The following NES variants were observed in gnomAD, a reference collection of about 807,000 sequenced individuals.
NES encodes nestin.
Under a neutral mutation model 35.6 loss-of-function variants are expected in NES, and 27 were observed. The observed-to-expected ratio is 0.76, with a 90% CI of 0.56 to 1.04. The LOEUF (loss-of-function observed/expected upper bound fraction) is 1.04. Among genes scored for constraint, NES ranks in the 50% least tolerant of loss-of-function variants. The pLI is 0.00. For synonymous variants in NES, 822 were observed against 824.2 expected (o/e 1.00, Z 0.04); for missense variants, 1,867 against 1,983.6 (o/e 0.94, Z 1.12).
rs759393198 is a variant in NES, at chr1:156,671,230, A to C, written c.2958T>G (p.Asp986Glu). Residue 986 changes from aspartate (D) to glutamate (E), a missense_variant, in exon 4 of 4, where the codon GAT (aspartate) becomes GAG (glutamate). Physicochemically the swap from Asp to Glu is conservative, Grantham distance 45. Coordinates refer to ENST00000368223, the MANE Select transcript of NES (RefSeq NM_006617.2). ...CCACCTCCTCCTTCCCAGTGAAGCC[A>C]TCCTGCTCCCTCAGATTCAGCTCTG... ...DEAELNLREQDGFTGKEEVVE... is the reference protein window; with the variant it reads ...DEAELNLREQEGFTGKEEVVE... 9.9e-6 allele frequency: 16 copies of C among 1,614,028 alleles called. No individual in the cohort carries two copies. Among genetic ancestry groups the C allele is most frequent in the African/African-American group, 1.3e-5 (1 of 75,026 alleles).
chr1:156,673,311 G>A (rs1383777578), intron 3 of NES, 106 bp from the exon 4 acceptor site: 17 of 1,300,280 alleles, frequency 1.3e-5, no homozygotes, highest in Middle Eastern at 1.9e-4. Flanking sequence ...TGCCCCTGGC[G>A]CCCATGGCTG....
chr1:156,672,975 T>G lies in NES; in HGVS notation c.1213A>C (p.Ile405Leu), dbSNP rs1679767345. ...GAGAGAGGAGCATCCTGGGCTCTGATCTCTGCATCTACAGCAGGAGAGGGT... is the reference window on the plus strand; with the variant it reads ...GAGAGAGGAGCATCCTGGGCTCTGAGCTCTGCATCTACAGCAGGAGAGGGT... ...QAPSPAVDAE[I>L]RAQDAPLSLL... Residue 405 changes from isoleucine (I) to leucine (L), a missense_variant, in exon 4 of 4, where the codon ATC becomes CTC. Transcript: ENST00000368223. 2.5e-6 allele frequency: 4 copies of G among 1,613,864 alleles called. No homozygotes were observed. The highest frequency in any genetic ancestry group is 1.7e-5 in the Admixed American group (1 of 59,996).
rs60243118 is a variant in NES, at chr1:156,669,484, C to T, written c.4704G>A (p.Pro1568=). The T allele has an allele frequency of 8.3e-3, 13,358 of 1,613,310 alleles. 139 individuals are homozygous for T. The highest frequency in any genetic ancestry group is 0.033 in the South Asian group (2,986 of 91,022). The change falls in exon 4 of 4, where the codon CCG becomes CCA. Residue 1568 remains proline, a synonymous_variant. Transcript: ENST00000368223. ...EQSEEVGQGM[P]LVSEGDRGSP... ...TCCCTCGGTCTCCCTCAGAGACTAGCGGCATTCCTTGCCCCACTTCCTCAG... is the reference window on the plus strand; with the variant it reads ...TCCCTCGGTCTCCCTCAGAGACTAGTGGCATTCCTTGCCCCACTTCCTCAG...
chr1:156,672,882 T>G lies in NES; in HGVS notation c.1306A>C (p.Ile436Leu). Residue 436 changes from isoleucine (I) to leucine (L), a missense_variant, in exon 4 of 4, where the codon ATT becomes CTT. Ile to Leu is a conservative substitution (Grantham distance 5). Coordinates refer to ENST00000368223, the MANE Select transcript of NES (RefSeq NM_006617.2). Reference protein sequence around the residue: ...EPLRAEARVAIPASVLPGPEE... With the variant: ...EPLRAEARVALPASVLPGPEE... ...GGTCCAGGCAGGACGCTGGCAGGAA[T>G]GGCCACCCTGGCTTCAGCCCGCAGG... 1.2e-6 allele frequency: 2 copies of G among 1,613,894 alleles called. No homozygotes were observed. The highest frequency in any genetic ancestry group is 1.7e-6 in the Non-Finnish European group (2 of 1,180,024).
rs1210970336 is a variant in NES at position 156,671,712 on chromosome 1, G to A, written c.2476C>T (p.Leu826=). The A allele has an allele frequency of 6.2e-7, 1 of 1,613,744 alleles. No homozygotes were observed. Among genetic ancestry groups the A allele is most frequent in the Non-Finnish European group, 8.5e-7 (1 of 1,179,950 alleles). The stretch of plus-strand genomic sequence containing the variant: ...TGTCCCGCAGACTTCAGTGATTCTA[G>A]GATCTCTGTTTCTAAAGATTTTACT... ...EAVKSLETEI[L]ESLKSAGQEN... Residue 826 remains leucine (L), a synonymous_variant, in exon 4 of 4, where the codon CTA becomes TTA. Coordinates refer to ENST00000368223, the MANE Select transcript of NES (RefSeq NM_006617.2).
At position 156,671,471 on chromosome 1, in the gene NES, GGA is replaced by G. The variant is rs1192847737; in HGVS notation, c.2715_2716del (p.Pro906ArgfsTer69). ...TTGACTTTCCTTGTCTACCTCCTCTGGAGATCTCAAATTCTCCAGGTTCCATG... is the reference window on the plus strand; with the variant it reads ...TTGACTTTCCTTGTCTACCTCCTCTGGATCTCAAATTCTCCAGGTTCCATG... On this transcript the variant is annotated frameshift_variant, in exon 4 of 4. Transcript: ENST00000368223. LOFTEE classifies it low-confidence loss of function (END_TRUNC). 1 of 1,613,928 alleles carries G rather than the reference GGA, an allele frequency of 6.2e-7. No individual in the cohort carries two copies. The highest frequency in any genetic ancestry group is 1.1e-5 in the South Asian group (1 of 91,082).
Position 156,676,273 on chromosome 1 carries a change from C to T in NES, c.783+209G>A, listed in dbSNP as rs1647289095. 1.3e-5 allele frequency among the ~76,000 whole-genome samples: 2 copies of T among 152,172 alleles called. No homozygotes were observed. Among genetic ancestry groups the T allele is most frequent in the South Asian group, 4.1e-4 (2 of 4,826 alleles). On this transcript the variant is annotated intron_variant, in intron 1 of 3. Coordinates refer to ENST00000368223, the MANE Select transcript of NES (RefSeq NM_006617.2). The surrounding 1 kb of genome is among the most constrained non-coding windows in gnomAD (Gnocchi z 5.3). ...CGGGTCTTGGGCCTGACTGCCCACC[C>T]GGGATGTGCTTCGAGAAGCCCCACC... is the stretch of plus-strand genomic sequence containing the variant.
In NES at chr1:156,670,230, T is replaced by G. The variant is rs1185808480; in HGVS notation, c.3958A>C (p.Arg1320=). Residue 1320 remains arginine, a synonymous_variant, in exon 4 of 4, where the codon AGG becomes CGG. Transcript: ENST00000368223. The part of the protein sequence containing the change: ...SPRWDPTGEQ[R]PPPQGETGKE... ...CCAGTCTCCCCTTGAGGGGGTGGCC[T>G]CTGCTCTCCAGTGGGGTCCCACCTG... 1.2e-6 allele frequency: 2 copies of G among 1,613,678 alleles called. No individual in the cohort carries two copies. Among genetic ancestry groups the G allele is most frequent in the Non-Finnish European group, 1.7e-6 (2 of 1,179,850 alleles).
chr1:156,669,331 C>A lies in NES; in HGVS notation c.4857G>T (p.Gly1619=), dbSNP rs369586918. The part of the protein sequence containing the change: ...REGDRESWSS[G]ED ...GGCAGATGGTCTTTTCCTAGTCCTC[C>A]CCTGAGGACCAGGACTCTCTATCTC... The change falls in exon 4 of 4, where the codon GGG becomes GGT. Residue 1619 remains glycine, a synonymous_variant. Transcript: ENST00000368223. 1 of 1,559,098 alleles carries A rather than the reference C, an allele frequency of 6.4e-7. No individual in the cohort carries two copies. The highest frequency in any genetic ancestry group is 1.9e-5 in the Admixed American group (1 of 53,728).
In NES at chr1:156,670,116, CCTCTT is replaced by C; in HGVS notation, c.4067_4071del (p.Glu1356GlyfsTer5). The C allele has an allele frequency of 6.2e-7, 1 of 1,614,064 alleles. No individual in the cohort carries two copies. Among genetic ancestry groups the C allele is most frequent in the Non-Finnish European group, 8.5e-7 (1 of 1,180,000 alleles). ...GACAGGTCAGAGTCACGGCCACACTCCTCTTCTCCCTCCTCCCCCTCCTCCTTTTC... is the reference window on the plus strand; with the variant it reads ...GACAGGTCAGAGTCACGGCCACACTCCTCCCTCCTCCCCCTCCTCCTTTTC... On this transcript the variant is annotated frameshift_variant, in exon 4 of 4. Coordinates refer to ENST00000368223, the MANE Select transcript of NES (RefSeq NM_006617.2). LOFTEE classifies it low-confidence loss of function (END_TRUNC).
chr1:156,669,062 C>T lies in NES; in HGVS notation c.*260G>A. On this transcript the variant is annotated 3_prime_UTR_variant, in exon 4 of 4. Coordinates refer to ENST00000368223, the MANE Select transcript of NES (RefSeq NM_006617.2). ...AAGGGGACCTAGTACTATCGGGATT[C>T]AGCTGACTTAGCCTATGAGATGGAG... The T allele has an allele frequency of 2.7e-6, 1 of 367,706 alleles. No individual in the cohort carries two copies. Among genetic ancestry groups the T allele is most frequent in the Non-Finnish European group, 4.9e-6 (1 of 204,600 alleles). 22.8% of individuals were successfully genotyped at this position (367,706 alleles called of 1,614,324 possible). A position where few individuals can be genotyped will look rare whatever the true frequency, so the allele number is the denominator to read the frequency against.
rs1243169882 is a variant in NES at position 156,671,123 on chromosome 1, T to C, written c.3065A>G (p.Gln1022Arg). Residue 1022 changes from glutamine (Q) to arginine (R), a missense_variant, in exon 4 of 4, where the codon CAG becomes CGG. Coordinates refer to ENST00000368223, the MANE Select transcript of NES (RefSeq NM_006617.2). ...GHPESPEPKE[Q>R]RGLVEGASVK... The stretch of plus-strand genomic sequence containing the variant: ...ACTGGCTCCCTCAACCAGGCCTCTC[T>C]GCTCTTTGGGCTCAGGGCTCTCTGG... 10 of 1,614,028 alleles carry C rather than the reference T, an allele frequency of 6.2e-6. No homozygotes were observed. Among genetic ancestry groups the C allele is most frequent in the Non-Finnish European group, 8.5e-6 (10 of 1,180,026 alleles).
chr1:156,673,883 G>A (rs1030027475), intron 2 of NES, among the ~76,000 whole-genome samples: 10 of 152,054 alleles, frequency 6.6e-5, no homozygotes, highest in Non-Finnish European at 1.5e-4. Flanking sequence ...GTGGGGGACC[G>A]ATTCTCATGC....
chr1:156,676,960 C>G lies in NES; in HGVS notation c.305G>C (p.Arg102Pro). The G allele has an allele frequency of 1.3e-6, 2 of 1,559,606 alleles. No individual in the cohort carries two copies. Among genetic ancestry groups the G allele is most frequent in the South Asian group, 2.3e-5 (2 of 86,062 alleles). ...GGCTACCTCCTCCGTCGTCCGCTCC[C>G]GGGCCAGCCGCAGCTGCTGGCATCG... is the stretch of plus-strand genomic sequence containing the variant. ...AGRCQQLRLA[R>P]ERTTEEVARN... The change falls in exon 1 of 4, where the codon CGG becomes CCG. Residue 102 changes from arginine to proline, a missense_variant. Coordinates refer to ENST00000368223, the MANE Select transcript of NES (RefSeq NM_006617.2). This position sits in a 1 kb window ranked among gnomAD's most constrained non-coding sequence, Gnocchi z 5.3.
chr1:156,677,100 A>C lies in NES; in HGVS notation c.165T>G (p.His55Gln). The C allele has an allele frequency of 6.2e-7, 1 of 1,604,470 alleles. No homozygotes were observed. The highest frequency in any genetic ancestry group is 8.5e-7 in the Non-Finnish European group (1 of 1,176,518). The change falls in exon 1 of 4, where the codon CAT (histidine) becomes CAG (glutamine). Residue 55 changes from histidine (H) to glutamine (Q), a missense_variant. Coordinates refer to ENST00000368223, the MANE Select transcript of NES (RefSeq NM_006617.2). The surrounding 1 kb of genome is among the most constrained non-coding windows in gnomAD (Gnocchi z 4.5). ...GCAGGGCCGCCAGCTCGTCGTCGGC[A>C]TGCGCCCGCCAGGAGGTGTCCGCGG... ...AQSADTSWRA[H>Q]ADDELAALRA...
chr1:156,670,627 G>A lies in NES; in HGVS notation c.3561C>T (p.Phe1187=). 1.2e-6 allele frequency: 2 copies of A among 1,613,834 alleles called. No individual in the cohort carries two copies. Among genetic ancestry groups the A allele is most frequent in the Non-Finnish European group, 1.7e-6 (2 of 1,179,928 alleles). Residue 1187 remains phenylalanine (F), a synonymous_variant, in exon 4 of 4, where the codon TTC becomes TTT. Coordinates refer to ENST00000368223, the MANE Select transcript of NES (RefSeq NM_006617.2). ...AEAPRGAEEA[F]PAETLGHTGS... ...CAGTGTGGCCCAGGGTCTCAGCAGG[G>A]AACGCCTCCTCTGCTCCCCTGGGGG...
rs1571460896 is a variant in NES at position 156,669,175 on chromosome 1, A to C, written c.*147T>G. 1.9e-6 allele frequency: 1 copy of C among 540,040 alleles called. No homozygotes were observed. The highest frequency in any genetic ancestry group is 3.1e-6 in the Non-Finnish European group (1 of 318,056). The allele number at this position is 540,040 out of a possible 1,614,324, so 33.5% of individuals were successfully genotyped here. On this transcript the variant is annotated 3_prime_UTR_variant, in exon 4 of 4. Coordinates refer to ENST00000368223, the MANE Select transcript of NES (RefSeq NM_006617.2). ...AGGCTCCTTTGCCACACCCCTTTTC[A>C]CCTTAGCGGGCCAGGCCTCTCAGCC... is the stretch of plus-strand genomic sequence containing the variant.
Position 156,672,837 on chromosome 1 carries a change from G to A in NES, c.1351C>T (p.Arg451Trp), listed in dbSNP as rs1251562953. 1.2e-5 allele frequency: 19 copies of A among 1,613,628 alleles called. No homozygotes were observed. The highest frequency in any genetic ancestry group is 6.7e-5 in the Admixed American group (4 of 60,006). Reference protein sequence around the residue: ...LPGPEEPGGQRQEASTGQSPE... With the variant: ...LPGPEEPGGQWQEASTGQSPE... ...GACTGGCCTGTACTGGCCTCTTGCCGCTGGCCCCCAGGCTCCTCTGGTCCA... is the reference window on the plus strand; with the variant it reads ...GACTGGCCTGTACTGGCCTCTTGCCACTGGCCCCCAGGCTCCTCTGGTCCA... Residue 451 changes from arginine to tryptophan, a missense_variant, in exon 4 of 4, where the codon CGG (arginine) becomes TGG (tryptophan). Transcript: ENST00000368223.
rs751001680 is a variant in NES at position 156,671,749 on chromosome 1, C to G, written c.2439G>C (p.Glu813Asp). Residue 813 changes from glutamate (E) to aspartate (D), a missense_variant, in exon 4 of 4, where the codon GAG becomes GAC. Transcript: ENST00000368223. ...NQEFLKSLKE[E>D]SVEAVKSLET... Reference sequence around the variant, plus strand: ...CTAAAGATTTTACTGCCTCTACGCTCTCTTCTTTGAGTGACTTTAAGAACT... The same window carrying G: ...CTAAAGATTTTACTGCCTCTACGCTGTCTTCTTTGAGTGACTTTAAGAACT... 2 of 1,614,106 alleles carry G rather than the reference C, an allele frequency of 1.2e-6. No individual in the cohort carries two copies. The highest frequency in any genetic ancestry group is 1.1e-5 in the South Asian group (1 of 91,086).
Sources: allele counts gnomAD v4.1 joint callset (sites outside exome capture counted in the v4.1 genomes callset), GRCh38; gene constraint gnomAD v4.1.1; non-coding constraint Gnocchi (gnomAD v3.1); transcripts MANE v1.5; gene names NCBI Gene and HGNC (gene_info 2026-07-23, HGNC 2026-07-21).